The following SSUH2 variants were observed in gnomAD, a reference collection of about 807,000 sequenced individuals.
SSUH2 encodes the protein protein SSUH2 homolog.
Under a neutral mutation model 55.3 loss-of-function variants are expected in SSUH2, and 47 were observed. The observed-to-expected ratio is 0.85, with a 90% CI of 0.67 to 1.08. The LOEUF (loss-of-function observed/expected upper bound fraction) is 1.08. Ranked by LOEUF, SSUH2 falls within the 50% of genes least tolerant of loss-of-function variation. SSUH2 has a pLI of 0.00. For synonymous variants in SSUH2, 212 were observed against 191.5 expected, an observed-to-expected ratio of 1.11 and a Z score of -0.89; for missense variants, 535 against 490.7, an observed-to-expected ratio of 1.09 and a Z score of -0.85.
intron 5 of SSUH2, among the ~76,000 whole-genome samples, chr3:8,670,577 T>A (rs1704454034): frequency 6.6e-6 from 1 of 151,728 alleles, no homozygotes. Context: ...AAAAATAACA[T>A]CCCCCTTGGA....
intron 2 of SSUH2, among the ~76,000 whole-genome samples, chr3:8,679,436 C>T (rs1464527193): frequency 1.4e-4 from 20 of 141,398 alleles, no homozygotes; most frequent in Admixed American, 2.7e-4. Context: ...CTTAGGACCC[C>T]CATCACAGCG....
chr3:8,658,497 G>C (rs1015628135), intron 7 of SSUH2, among the ~76,000 whole-genome samples: 1 of 152,216 alleles, frequency 6.6e-6, no homozygotes, highest in Non-Finnish European at 1.5e-5. Flanking sequence ...TGGGCCGCCA[G>C]GCTGGGTGGG....
At position 8,661,783 on chromosome 3, in the gene SSUH2, T is replaced by C. The variant is rs550384111; in HGVS notation, c.-396+1961A>G. On this transcript the variant is annotated intron_variant, in intron 6 of 18. Coordinates refer to the SSUH2 transcript ENST00000317371. ...CCTGTTGTAAGTAAGCATACCGATA[T>C]GGTTTGGCTGTGGCCCCACCCAAAT... Among the ~76,000 whole-genome samples the C allele has an allele frequency of 5.7e-4, 87 of 152,258 alleles. 1 individual carries two copies. The highest frequency in any genetic ancestry group is 1.7e-3 in the African/African-American group (72 of 41,536).
chr3:8,637,455 A>T (rs1387903431), intron 1 of SSUH2, among the ~76,000 whole-genome samples: 4 of 152,148 alleles, frequency 2.6e-5, no homozygotes, highest in Non-Finnish European at 5.9e-5. Context: ...ATGTTGCCTC[A>T]TCCCACACTC....
intron 1 of SSUH2, among the ~76,000 whole-genome samples, chr3:8,640,743 C>A (rs1310651398): frequency 6.6e-6 from 1 of 152,132 alleles, no homozygotes; most frequent in Non-Finnish European, 1.5e-5. Flanking sequence ...TTTGGGGAAG[C>A]AAATGTTCAC....
intron 6 of SSUH2, among the ~76,000 whole-genome samples, chr3:8,659,169 A>G (rs1016464): frequency 0.78 from 118,584 of 152,124 alleles, 46,402 homozygotes; most frequent in East Asian, 0.85. Flanking sequence ...ACTAAAGAAA[A>G]CATGGATGTT....
At chr3:8,670,620 G>A (rs1366586204) in intron 5 of SSUH2, among the ~76,000 whole-genome samples, 7 of 152,114 alleles carry the variant, frequency 4.6e-5, no homozygotes, top group Non-Finnish European at 1.0e-4. Flanking sequence ...AGTACATGCC[G>A]TGTGACATTA....
At chr3:8,622,416 T>C (rs1317611836) in intron 11 of SSUH2, among the ~76,000 whole-genome samples, 1 of 152,146 alleles carries the variant, frequency 6.6e-6, no homozygotes, top group Non-Finnish European at 1.5e-5. Context: ...TTAGGACAGG[T>C]AACTTCCCCT....
At chr3:8,635,448 G>A (rs1699761367) in intron 2 of SSUH2, 67 bp from the exon 3 acceptor site, 2 of 1,182,304 alleles carry the variant, frequency 1.7e-6, no homozygotes, top group South Asian at 2.7e-5. Flanking sequence ...TGTGGTGGAA[G>A]AAGGAAAGAC....
At position 8,679,457 on chromosome 3, in the gene SSUH2, C is replaced by T. The variant is rs553610953; in HGVS notation, c.-901+248G>A. On this transcript the variant is annotated intron_variant, in intron 2 of 18. Transcript: ENST00000317371. ...ACCCCCATCACAGCGGGGGGAGGCACCCCCCGGGAGGCGGGGACTGAGAAC... is the reference window on the plus strand; with the variant it reads ...ACCCCCATCACAGCGGGGGGAGGCATCCCCCGGGAGGCGGGGACTGAGAAC... 7.7e-4 allele frequency among the ~76,000 whole-genome samples: 107 copies of T among 138,278 alleles called. 2 individuals are homozygous for T. The highest frequency in any genetic ancestry group is 1.3e-3 in the Non-Finnish European group (77 of 61,086). The allele number at this position is 138,278 out of a possible 152,430, so 90.7% of individuals were successfully genotyped here. A position where few individuals can be genotyped will look rare whatever the true frequency, so the allele number is the denominator to read the frequency against.
At chr3:8,660,590 C>T (rs1182704083) in intron 6 of SSUH2, among the ~76,000 whole-genome samples, 2 of 152,176 alleles carry the variant, frequency 1.3e-5, no homozygotes, top group Non-Finnish European at 2.9e-5. Context: ...AGACAAATTC[C>T]TTTATTGTTA....
intron 1 of SSUH2, among the ~76,000 whole-genome samples, chr3:8,639,726 A>G (rs898148091): frequency 6.6e-6 from 1 of 152,196 alleles, no homozygotes; most frequent in African/African-American, 2.4e-5. Context: ...CTTTGTCCCT[A>G]ATTCCACATT....
intron 9 of SSUH2, 22 bp from the exon 10 acceptor site, chr3:8,625,669 G>A: frequency 6.5e-7 from 1 of 1,540,720 alleles, no homozygotes; most frequent in Non-Finnish European, 9.0e-7. Flanking sequence ...GAGGATGAGG[G>A]ATGAAAGCAC....
chr3:8,655,382 AG>A (rs1280387067), intron 7 of SSUH2, among the ~76,000 whole-genome samples: 1 of 125,892 alleles, frequency 7.9e-6, no homozygotes, highest in Non-Finnish European at 1.7e-5. Flanking sequence ...GGCCTCCCCA[AG>A]ATCACAGTGG....
At chr3:8,680,325 T>C (rs570075967) in intron 1 of SSUH2, among the ~76,000 whole-genome samples, 19 of 149,814 alleles carry the variant, frequency 1.3e-4, no homozygotes, top group Middle Eastern at 3.5e-3. Flanking sequence ...CTCTTCCCTC[T>C]CTGGCTCTTA....
At chr3:8,678,934 A>C (rs4266180) in intron 2 of SSUH2, among the ~76,000 whole-genome samples, 39,207 of 83,936 alleles carry the variant, frequency 0.47, 14,804 homozygotes, top group South Asian at 0.66. Flanking sequence ...AGAGCCAGCC[A>C]CTCTTCCCCT....
intron 7 of SSUH2, among the ~76,000 whole-genome samples, chr3:8,649,937 C>T (rs1472217951): frequency 2.6e-5 from 4 of 152,186 alleles, no homozygotes; most frequent in African/African-American, 9.7e-5. Flanking sequence ...CCCCTGCACC[C>T]TCCCTACCAA....
At position 8,619,885 on chromosome 3, in the gene SSUH2, C is replaced by T. The variant is rs768560165; in HGVS notation, c.1111G>A (p.Gly371Ser). 2 of 1,613,800 alleles carry T rather than the reference C, an allele frequency of 1.2e-6. No homozygotes were observed. Among genetic ancestry groups the T allele is most frequent in the South Asian group, 1.1e-5 (1 of 90,966 alleles). ...ATGCTATGTCACACGATGGTACAGC[C>T]ACAGCAATACCGCTCAGGATAGTCC... ...AVDYPERYCC[G>S]CTIV Residue 371 changes from glycine to serine, a missense_variant, in exon 12 of 12, where the codon GGC becomes AGC. Coordinates refer to ENST00000544814, the MANE Select transcript of SSUH2 (RefSeq NM_001256748.3).
rs1702577466 is a variant in SSUH2, at chr3:8,652,985, C to T, written c.-307+5940G>A. Among the ~76,000 whole-genome samples, 3 of 152,218 alleles carry T rather than the reference C, an allele frequency of 2.0e-5. No individual in the cohort carries two copies. The South Asian group carries it at 6.2e-4, about 31-fold the overall frequency. On this transcript the variant is annotated intron_variant, in intron 7 of 18. Transcript: ENST00000317371. ...CCTCTTTGTCCTGGGGATCGGCTAC[C>T]TAAATGCCCTGAAGCTCTGCCATTG...
Sources: gnomAD v4.1 joint callset for allele counts (sites outside exome capture counted in the v4.1 genomes callset) on GRCh38, gnomAD v4.1.1 for gene constraint, MANE v1.5 for transcripts, NCBI Gene and HGNC (gene_info 2026-07-23, HGNC 2026-07-21) for gene names.